Variants in GREB1L observed in about 807,000 individuals in gnomAD.
The protein encoded by GREB1L is GREB1-like protein.
A neutral mutation model predicts 200.8 loss-of-function variants in GREB1L; 17 were observed. That is an observed-to-expected ratio of 0.08 (90% CI 0.06 to 0.13). The LOEUF is 0.13. Ranked by LOEUF, GREB1L falls within the 10% of genes least tolerant of loss-of-function variation. The pLI, the probability that GREB1L is intolerant of heterozygous loss-of-function variation, is 1.00. For missense variants in GREB1L, 1,657 were observed against 2,367.7 expected, an observed-to-expected ratio of 0.70 and a Z score of 6.23; for synonymous variants, 789 against 893.0, an observed-to-expected ratio of 0.88 and a Z score of 2.08.
intron 5 of GREB1L, among the ~76,000 whole-genome samples, chr18:21,396,805 A>G (rs1411921486): frequency 6.6e-6 from 1 of 152,210 alleles, no homozygotes; most frequent in African/African-American, 2.4e-5. Context: ...AAGAAATAAC[A>G]GACTTGATTT....
intron 15 of GREB1L, among the ~76,000 whole-genome samples, chr18:21,472,676 C>T (rs2035529011): frequency 6.6e-6 from 1 of 152,012 alleles, no homozygotes. Context: ...TAGCCCAAAG[C>T]TTAATTTTTT....
At chr18:21,420,100 C>A (rs186473180) in intron 7 of GREB1L, among the ~76,000 whole-genome samples, 1 of 152,208 alleles carries the variant, frequency 6.6e-6, no homozygotes, top group East Asian at 1.9e-4. Context: ...CAGACGGGCG[C>A]GGTGGCTCAC....
chr18:21,284,587 G>A (rs1388415663), intron 1 of GREB1L, among the ~76,000 whole-genome samples: 7 of 152,166 alleles, frequency 4.6e-5, no homozygotes, highest in Non-Finnish European at 1.0e-4. Context: ...CATTTGGGCT[G>A]TTTCCACTTT....
rs1244082888 is a variant in GREB1L at position 21,268,558 on chromosome 18, C to CATAT, written c.-120+26166_-120+26167insTATA. On this transcript the variant is annotated intron_variant, in intron 1 of 32. Coordinates refer to ENST00000424526, the MANE Select transcript of GREB1L (RefSeq NM_001142966.3). ...ACACACACACACACACACACACACACACATATATATATATATATATATATA... is the reference window on the plus strand; with the variant it reads ...ACACACACACACACACACACACACACATATACATATATATATATATATATATATA... Among the ~76,000 whole-genome samples, 43 of 86,666 alleles carry CATAT rather than the reference C, an allele frequency of 5.0e-4. 1 individual carries two copies. Among genetic ancestry groups the CATAT allele is most frequent in the East Asian group, 2.3e-3 (7 of 2,986 alleles). 56.9% of individuals were successfully genotyped at this position (86,666 alleles called of 152,430 possible).
Position 21,508,282 on chromosome 18 carries a change from G to A in GREB1L, c.4530+3G>A, listed in dbSNP as rs2037097580. 1 of 1,551,590 alleles carries A rather than the reference G, an allele frequency of 6.4e-7. No homozygotes were observed. The highest frequency in any genetic ancestry group is 1.2e-5 in the South Asian group (1 of 84,060). On this transcript the variant is annotated splice_donor_region_variant and intron_variant, in intron 26 of 32. Coordinates refer to ENST00000424526, the MANE Select transcript of GREB1L (RefSeq NM_001142966.3). ...GGCTGCCCCTGGTTTCAGACAAGGT[G>A]GGTGAGAGCATCTGGACTGGCAGGC...
At chr18:21,364,620 T>C (rs1480120253) in intron 1 of GREB1L, among the ~76,000 whole-genome samples, 1 of 152,130 alleles carries the variant, frequency 6.6e-6, no homozygotes, top group Non-Finnish European at 1.5e-5. Context: ...TGGATGTAAA[T>C]AATAGATGAA....
At chr18:21,304,061 T>C (rs891830895) in intron 1 of GREB1L, among the ~76,000 whole-genome samples, 2 of 152,202 alleles carry the variant, frequency 1.3e-5, no homozygotes, top group Non-Finnish European at 2.9e-5. Context: ...TCTTTTGATG[T>C]AGCAGTACTG....
intron 7 of GREB1L, among the ~76,000 whole-genome samples, chr18:21,434,497 ATATG>A (rs746144342): frequency 0.021 from 2,573 of 122,076 alleles, 61 homozygotes; most frequent in African/African-American, 0.05. Flanking sequence ...ATATATATAT[ATATG>A]TGTGTGTGTG....
At chr18:21,462,630 G>T (rs1218695782) in intron 15 of GREB1L, among the ~76,000 whole-genome samples, 1 of 151,902 alleles carries the variant, frequency 6.6e-6, no homozygotes, top group African/African-American at 2.4e-5. Context: ...TTGTATTTTT[G>T]GTAGAGACGG....
rs541757420 is a variant in GREB1L, at chr18:21,388,868, T to A, written c.355+4465T>A. Among the ~76,000 whole-genome samples, 9 of 152,276 alleles carry A rather than the reference T, an allele frequency of 5.9e-5. No homozygotes were observed. In the East Asian group the frequency reaches 1.7e-3, roughly 29 times the overall value. On this transcript the variant is annotated intron_variant, in intron 4 of 32. Transcript: ENST00000424526. ...TGGAATTCATTTGATGTTTTTCTCC[T>A]TATTAGATTGAGGTTATGGGATCTG...
At chr18:21,282,371 C>A (rs1171755578) in intron 1 of GREB1L, among the ~76,000 whole-genome samples, 2 of 152,156 alleles carry the variant, frequency 1.3e-5, no homozygotes, top group African/African-American at 4.8e-5. Flanking sequence ...TATTTCTCCC[C>A]TACTCTTTTC....
At chr18:21,419,972 TA>T (rs1191851048) in intron 7 of GREB1L, among the ~76,000 whole-genome samples, 1 of 152,194 alleles carries the variant, frequency 6.6e-6, no homozygotes, top group Non-Finnish European at 1.5e-5. Flanking sequence ...TGACCTGGCT[TA>T]GGTAATGGTT....
chr18:21,512,139 T>C (rs188329381), intron 27 of GREB1L, among the ~76,000 whole-genome samples: 68 of 152,332 alleles, frequency 4.5e-4, no homozygotes, highest in Middle Eastern at 6.8e-3. Context: ...ATCTCTAACT[T>C]TGCCTCTCTT....
At chr18:21,258,575 T>C (rs2037838204) in intron 1 of GREB1L, among the ~76,000 whole-genome samples, 1 of 152,214 alleles carries the variant, frequency 6.6e-6, no homozygotes, top group Non-Finnish European at 1.5e-5. Flanking sequence ...ATAAGCTTAT[T>C]ACGTTGACTG....
intron 1 of GREB1L, among the ~76,000 whole-genome samples, chr18:21,256,409 T>A (rs557706804): frequency 1.4e-4 from 21 of 152,150 alleles, no homozygotes; most frequent in Non-Finnish European, 3.1e-4. Context: ...CAAGGTGGAA[T>A]AGTAATAGGG....
At chr18:21,518,970 TTGTA>T (rs1344290507) in intron 31 of GREB1L, among the ~76,000 whole-genome samples, 2 of 152,206 alleles carry the variant, frequency 1.3e-5, no homozygotes, top group Non-Finnish European at 1.5e-5. Flanking sequence ...GGCTTTTTCT[TTGTA>T]TGTATTGAAA....
chr18:21,375,904 C>CCACCAT (rs2040051807), intron 2 of GREB1L, among the ~76,000 whole-genome samples: 1 of 152,174 alleles, frequency 6.6e-6, no homozygotes, highest in Non-Finnish European at 1.5e-5. Context: ...ACCACCACCA[C>CCACCAT]CACCATCACT....
At chr18:21,465,265 A>G (rs2035221330) in intron 15 of GREB1L, among the ~76,000 whole-genome samples, 1 of 152,102 alleles carries the variant, frequency 6.6e-6, no homozygotes, top group African/African-American at 2.4e-5. Flanking sequence ...CCCAAAACCC[A>G]TGCTTAATTC....
At chr18:21,317,226 TAATC>T in intron 1 of GREB1L, among the ~76,000 whole-genome samples, 1 of 151,086 alleles carries the variant, frequency 6.6e-6, no homozygotes, top group African/African-American at 2.4e-5. Context: ...ATCAATGGAT[TAATC>T]AATCAATTCA....
Sources: allele counts gnomAD v4.1 joint callset (sites outside exome capture counted in the v4.1 genomes callset), GRCh38; gene constraint gnomAD v4.1.1; transcripts MANE v1.5; gene names NCBI Gene and HGNC (gene_info 2026-07-23, HGNC 2026-07-21).